The following DTNA variants were observed in gnomAD, a reference collection of about 807,000 sequenced individuals.
DTNA encodes the protein dystrobrevin alpha.
A neutral mutation model predicts 100.7 loss-of-function variants in DTNA; 43 were observed. The observed-to-expected ratio is 0.43, with a 90% CI of 0.33 to 0.55. DTNA has a LOEUF of 0.55. Ranked by LOEUF, DTNA falls within the 20% of genes least tolerant of loss-of-function variation. The pLI is 0.04. For synonymous variants in DTNA, 349 were observed against 347.9 expected (o/e 1.00, Z -0.04); for missense variants, 798 against 953.9 (o/e 0.84, Z 2.15).
At chr18:34,717,200 T>C (rs1258350613) in intron 1 of DTNA, among the ~76,000 whole-genome samples, 3 of 152,178 alleles carry the variant, frequency 2.0e-5, no homozygotes, top group Non-Finnish European at 4.4e-5. Flanking sequence ...TATTAAACAC[T>C]TGAAAGGTAG....
At chr18:34,594,779 G>A (rs1043004272) in intron 1 of DTNA, among the ~76,000 whole-genome samples, 10 of 152,104 alleles carry the variant, frequency 6.6e-5, no homozygotes, top group African/African-American at 2.4e-4. Flanking sequence ...CAGTTCTGAT[G>A]CCCCTTTCCT....
intron 4 of DTNA, among the ~76,000 whole-genome samples, chr18:34,800,102 A>G (rs1200364438): frequency 6.6e-6 from 1 of 152,258 alleles, no homozygotes; most frequent in Non-Finnish European, 1.5e-5. Flanking sequence ...AGAAACAGCC[A>G]TAAAGCCAAT....
chr18:34,867,324 T>C, intron 17 of DTNA: 1 of 1,230,640 alleles, frequency 8.1e-7, no homozygotes, highest in East Asian at 3.2e-5. Context: ...ACAATAAAGA[T>C]AATGTATTAC....
At chr18:34,852,800 A>C (rs2096497342) in intron 15 of DTNA, among the ~76,000 whole-genome samples, 1 of 152,082 alleles carries the variant, frequency 6.6e-6, no homozygotes, top group Admixed American at 6.5e-5. Flanking sequence ...TCTCAGCTCA[A>C]ATATCATCTC....
intron 1 of DTNA, among the ~76,000 whole-genome samples, chr18:34,738,882 G>C (rs1389374169): frequency 6.6e-6 from 1 of 152,184 alleles, no homozygotes; most frequent in Non-Finnish European, 1.5e-5. Flanking sequence ...AAGTTTTGCA[G>C]AGAAAAGCTG....
chr18:34,685,256 G>A (rs2078714403), intron 1 of DTNA, among the ~76,000 whole-genome samples: 1 of 152,102 alleles, frequency 6.6e-6, no homozygotes, highest in Non-Finnish European at 1.5e-5. Context: ...TTCTTCTTGG[G>A]TTTTTATGAT....
intron 5 of DTNA, among the ~76,000 whole-genome samples, chr18:34,810,243 CCTCT>C (rs1248342578): frequency 6.6e-6 from 1 of 152,028 alleles, no homozygotes; most frequent in Non-Finnish European, 1.5e-5. Context: ...GGTTGTTTTG[CCTCT>C]ACGCCTACCC....
At chr18:34,629,321 T>C (rs2148058988) in intron 1 of DTNA, among the ~76,000 whole-genome samples, 1 of 152,344 alleles carries the variant, frequency 6.6e-6, no homozygotes, top group East Asian at 1.9e-4. Flanking sequence ...AAGTGTTCTC[T>C]GTTAGTCTGC....
intron 4 of DTNA, among the ~76,000 whole-genome samples, chr18:34,794,936 C>T (rs529823003): frequency 2.0e-5 from 3 of 152,298 alleles, no homozygotes; most frequent in Middle Eastern, 3.4e-3. Flanking sequence ...TTTGGTGTCT[C>T]GCAGCATGTT....
At chr18:34,618,143 A>C (rs189178566) in intron 1 of DTNA, among the ~76,000 whole-genome samples, 7 of 152,172 alleles carry the variant, frequency 4.6e-5, no homozygotes. Context: ...GTCTAGAGAG[A>C]TTAACTTTGT....
Position 34,603,002 on chromosome 18 carries a change from CA to C in DTNA, c.-2+109498del, listed in dbSNP as rs919862684. Among the ~76,000 whole-genome samples the C allele has an allele frequency of 7.2e-4, 102 of 141,352 alleles. 1 individual carries two copies. The highest frequency in any genetic ancestry group is 1.1e-3 in the Admixed American group (15 of 14,124). The allele number at this position is 141,352 out of a possible 152,430, so 92.7% of individuals were successfully genotyped here. A position where few individuals can be genotyped will look rare whatever the true frequency, so the allele number is the denominator to read the frequency against. On this transcript the variant is annotated intron_variant, in intron 1 of 19. Coordinates refer to the DTNA transcript ENST00000283365. ...CGGGCGACAGTGTGAGACTCCCTCT[CA>C]AAAAAAAAATACAAAATAAAAAATA... is the stretch of plus-strand genomic sequence containing the variant.
intron 1 of DTNA, among the ~76,000 whole-genome samples, chr18:34,528,588 G>C (rs893255456): frequency 6.6e-6 from 1 of 151,538 alleles, no homozygotes; most frequent in Admixed American, 6.6e-5. Flanking sequence ...TTCTAAAGAG[G>C]AAAAAAAAGA....
At chr18:34,648,035 T>C (rs2060045482) in intron 1 of DTNA, among the ~76,000 whole-genome samples, 1 of 152,206 alleles carries the variant, frequency 6.6e-6, no homozygotes, top group African/African-American at 2.4e-5. Flanking sequence ...ACATAAAGGC[T>C]GACTAGGAGT....
At chr18:34,608,513 G>T (rs981045164) in intron 1 of DTNA, among the ~76,000 whole-genome samples, 1 of 144,538 alleles carries the variant, frequency 6.9e-6, no homozygotes, top group African/African-American at 2.5e-5. Flanking sequence ...TATTCGTTAG[G>T]TTTTTTTTTT....
Position 34,888,797 on chromosome 18 carries a change from T to G in DTNA, c.*1063T>G. The G allele has an allele frequency of 1.0e-6, 1 of 985,900 alleles. No homozygotes were observed. Among genetic ancestry groups the G allele is most frequent in the South Asian group, 4.7e-5 (1 of 21,286 alleles). The allele number at this position is 985,900 out of a possible 1,614,324, so 61.1% of individuals were successfully genotyped here. ...CTCGTTCACAAGTTCCCCCATCAAG[T>G]TGTTTGGAGGCCTTCAGCTTTAAAT... is the stretch of plus-strand genomic sequence containing the variant. On this transcript the variant is annotated 3_prime_UTR_variant, in exon 23 of 23. Coordinates refer to ENST00000444659, the MANE Select transcript of DTNA (RefSeq NM_001386795.1).
At chr18:34,644,629 C>T (rs1195613061) in intron 1 of DTNA, among the ~76,000 whole-genome samples, 2 of 152,038 alleles carry the variant, frequency 1.3e-5, no homozygotes, top group Non-Finnish European at 2.9e-5. Context: ...TACAATTTGG[C>T]ACCTCACTTT....
intron 1 of DTNA, among the ~76,000 whole-genome samples, chr18:34,512,309 T>C (rs2041170911): frequency 1.3e-5 from 2 of 151,972 alleles, no homozygotes; most frequent in East Asian, 3.9e-4. Flanking sequence ...GTGTGAGAAA[T>C]GGGGTTATTT....
At chr18:34,788,315 T>C (rs2094581047) in intron 3 of DTNA, among the ~76,000 whole-genome samples, 1 of 152,206 alleles carries the variant, frequency 6.6e-6, no homozygotes. Flanking sequence ...ACAAAAGGCT[T>C]ATGTTACTTA....
At chr18:34,786,358 C>G (rs1317331570) in intron 3 of DTNA, among the ~76,000 whole-genome samples, 1 of 152,132 alleles carries the variant, frequency 6.6e-6, no homozygotes, top group Non-Finnish European at 1.5e-5. Flanking sequence ...GAACTTTGTT[C>G]TTGTACTCTG....
Sources: gnomAD v4.1 joint callset for allele counts (sites outside exome capture counted in the v4.1 genomes callset) on GRCh38, gnomAD v4.1.1 for gene constraint, MANE v1.5 for transcripts, NCBI Gene and HGNC (gene_info 2026-07-23, HGNC 2026-07-21) for gene names.